MPHOSPH9: variants seen among roughly 807,000 people sequenced by gnomAD.
MPHOSPH9 encodes M-phase phosphoprotein 9.
MPHOSPH9 carries 88 observed loss-of-function variants against 145.5 expected under a neutral mutation model. The observed-to-expected ratio is 0.60, with a 90% CI of 0.51 to 0.72. MPHOSPH9 has a LOEUF of 0.72. MPHOSPH9 is among the 30% of genes least tolerant of loss of function. MPHOSPH9 has a pLI of 0.00. For synonymous variants in MPHOSPH9, 435 were observed against 486.2 expected (o/e 0.89, Z 1.39); for missense variants, 1,238 against 1,386.6 (o/e 0.89, Z 1.70).
At position 123,228,421 on chromosome 12, in the gene MPHOSPH9, G is replaced by A. The variant is rs527771127; in HGVS notation, c.105-805C>T. Reference sequence around the variant, plus strand: ...AAATTCAAAGGAGGCCAGGCGCAGTGGCTCACGCCTGTAATCCCAGCACTT... The same window carrying A: ...AAATTCAAAGGAGGCCAGGCGCAGTAGCTCACGCCTGTAATCCCAGCACTT... On this transcript the variant is annotated intron_variant, in intron 2 of 23. Coordinates refer to ENST00000606320, the MANE Select transcript of MPHOSPH9 (RefSeq NM_022782.4). Among the ~76,000 whole-genome samples the A allele has an allele frequency of 1.5e-3, 234 of 152,318 alleles. 1 individual carries two copies. Among genetic ancestry groups the A allele is most frequent in the African/African-American group, 5.2e-3 (215 of 41,584 alleles).
upstream of MPHOSPH9, among the ~76,000 whole-genome samples, chr12:123,238,131 G>C (rs764108024): frequency 2.6e-5 from 4 of 152,036 alleles, no homozygotes; most frequent in Admixed American, 2.6e-4. Flanking sequence ...CCTGAGCTCA[G>C]GCAATCCACC....
Position 123,163,029 on chromosome 12 carries a change from TC to T in MPHOSPH9, c.3013del (p.Glu1005ArgfsTer14). The T allele has an allele frequency of 6.3e-7, 1 of 1,575,198 alleles. No homozygotes were observed. Among genetic ancestry groups the T allele is most frequent in the Non-Finnish European group, 8.6e-7 (1 of 1,168,240 alleles). On this transcript the variant is annotated frameshift_variant, in exon 20 of 24. Transcript: ENST00000606320. LOFTEE classifies it high-confidence loss of function. Reference sequence around the variant, plus strand: ...GAGAACTTACCGAATTGGACTGCTCTCATTTTTGCTAAGCAGATGACTAAAT... The same window carrying T: ...GAGAACTTACCGAATTGGACTGCTCTATTTTTGCTAAGCAGATGACTAAAT... ...PGFSHLLSKN[E>X]SSPIRFDILL...
chr12:123,157,355 A>C (rs549058319), intron 23 of MPHOSPH9, among the ~76,000 whole-genome samples: 1 of 142,894 alleles, frequency 7.0e-6, no homozygotes, highest in South Asian at 2.3e-4. Context: ...AAAAAGGAAA[A>C]AAAAAAAACA....
chr12:123,168,638 G>A (rs1017841794), intron 16 of MPHOSPH9, among the ~76,000 whole-genome samples: 9 of 151,944 alleles, frequency 5.9e-5, no homozygotes, highest in African/African-American at 9.7e-5. Flanking sequence ...CAACGCACCC[G>A]GCCGGCAACA....
intron 9 of MPHOSPH9, 25 bp downstream of exon 9, chr12:123,203,225 C>CT (rs1565945769): frequency 6.2e-6 from 10 of 1,610,306 alleles, no homozygotes; most frequent in Non-Finnish European, 8.5e-6. Context: ...TTCACGTTCA[C>CT]TCGGCAGAAT....
chr12:123,218,589 A>T (rs2047069496), intron 5 of MPHOSPH9, 90 bp from the exon 6 acceptor site: 4 of 1,280,584 alleles, frequency 3.1e-6, no homozygotes, highest in Non-Finnish European at 4.4e-6. Context: ...ACGGTGGCGC[A>T]ATCTCAGTTC....
chr12:123,152,919 T>A (rs2043802927), downstream of MPHOSPH9: 1 of 155,792 alleles, frequency 6.4e-6, no homozygotes, highest in Non-Finnish European at 1.4e-5. Flanking sequence ...CATTGAAATC[T>A]AGTGAAAACT....
In MPHOSPH9 at chr12:123,173,001, G is replaced by A. The variant is rs577610929; in HGVS notation, c.2456+3687C>T. Among the ~76,000 whole-genome samples the A allele has an allele frequency of 4.3e-4, 63 of 144,906 alleles. 1 individual carries two copies. In the South Asian group the frequency reaches 7.8e-3, roughly 18 times the overall value. On this transcript the variant is annotated intron_variant, in intron 16 of 23. Coordinates refer to ENST00000606320, the MANE Select transcript of MPHOSPH9 (RefSeq NM_022782.4). ...GGTTGAAGTGATTCCTCAGCCTCCCGAGTAGCTGGGATTACAGGCCTGCAC... is the reference window on the plus strand; with the variant it reads ...GGTTGAAGTGATTCCTCAGCCTCCCAAGTAGCTGGGATTACAGGCCTGCAC...
In MPHOSPH9 at chr12:123,203,014, AG is replaced by A. The variant is rs1198050086; in HGVS notation, c.1390del (p.Leu464PhefsTer17). 6.2e-7 allele frequency: 1 copy of A among 1,614,092 alleles called. No individual in the cohort carries two copies. The highest frequency in any genetic ancestry group is 1.3e-5 in the African/African-American group (1 of 74,930). On this transcript the variant is annotated frameshift_variant, in exon 10 of 24. Coordinates refer to ENST00000606320, the MANE Select transcript of MPHOSPH9 (RefSeq NM_022782.4). LOFTEE classifies it high-confidence loss of function. ...QQISGIQPHG[L>X]PNALDDRISF... ...TATTCTGTCATCAAGGGCATTCGGA[AG>A]GCCGTGAGGTTGAATCCCTGAAATC...
At chr12:123,231,776 A>G (rs2047646251) in intron 1 of MPHOSPH9, among the ~76,000 whole-genome samples, 1 of 151,926 alleles carries the variant, frequency 6.6e-6, no homozygotes, top group South Asian at 2.1e-4. Flanking sequence ...ATACCATGGC[A>G]AATTGGCTGT....
At chr12:123,152,643 A>G (rs747408154), downstream of MPHOSPH9, 1 of 454,678 alleles carries the variant, frequency 2.2e-6, no homozygotes, top group South Asian at 1.6e-5. Context: ...AATAAAGTAC[A>G]AATCAGGCAG....
chr12:123,231,472 G>T (rs555869273), intron 1 of MPHOSPH9, among the ~76,000 whole-genome samples: 2 of 152,138 alleles, frequency 1.3e-5, no homozygotes, highest in Non-Finnish European at 2.9e-5. Flanking sequence ...CCATTGTCTG[G>T]AAGTACATTT....
intron 6 of MPHOSPH9, among the ~76,000 whole-genome samples, chr12:123,218,037 T>C: frequency 7.6e-6 from 1 of 131,300 alleles, no homozygotes; most frequent in Non-Finnish European, 1.6e-5. Context: ...AGAGCGAGAC[T>C]CCATCTCAAA....
At chr12:123,161,663 CAAAAAA>C (rs201067689) in intron 21 of MPHOSPH9, among the ~76,000 whole-genome samples, 1 of 66,968 alleles carries the variant, frequency 1.5e-5, no homozygotes, top group Admixed American at 1.3e-4. Context: ...AAACTTAAAG[CAAAAAA>C]AAAAAAAAAA....
intron 23 of MPHOSPH9, chr12:123,160,131 A>G (rs2044045275): frequency 6.6e-6 from 1 of 152,328 alleles, no homozygotes; most frequent in Non-Finnish European, 1.5e-5. Flanking sequence ...TCAGCCTCCC[A>G]AAGTGCTGGG....
intron 17 of MPHOSPH9, chr12:123,166,420 C>T: frequency 1.9e-6 from 1 of 526,572 alleles, no homozygotes; most frequent in Non-Finnish European, 3.3e-6. Flanking sequence ...GATCGACATC[C>T]TATCCTAATC....
chr12:123,206,524 G>T (rs2138402967), intron 8 of MPHOSPH9, among the ~76,000 whole-genome samples: 1 of 87,694 alleles, frequency 1.1e-5, no homozygotes, highest in South Asian at 4.7e-4. Context: ...GAAGAGAAGA[G>T]AAGAGATGAG....
At chr12:123,199,264 T>C (rs1412804912) in intron 11 of MPHOSPH9, among the ~76,000 whole-genome samples, 2 of 152,266 alleles carry the variant, frequency 1.3e-5, no homozygotes, top group African/African-American at 4.8e-5. Flanking sequence ...TCTGTACTAT[T>C]TCGAATTTAG....
At chr12:123,240,354 A>G (rs1166438159) in intron 1 of MPHOSPH9, among the ~76,000 whole-genome samples, 2 of 152,132 alleles carry the variant, frequency 1.3e-5, no homozygotes, top group African/African-American at 4.8e-5. Flanking sequence ...TCTAAAAAAA[A>G]AAGAAGAAGA....
Sources: gnomAD v4.1 joint callset for allele counts (sites outside exome capture counted in the v4.1 genomes callset) on GRCh38, gnomAD v4.1.1 for gene constraint, MANE v1.5 for transcripts, NCBI Gene and HGNC (gene_info 2026-07-23, HGNC 2026-07-21) for gene names.